Variants in RBM46 observed in about 807,000 individuals in gnomAD.
The protein encoded by RBM46 is probable RNA-binding protein 46.
A neutral mutation model predicts 43.3 loss-of-function variants in RBM46; 12 were observed. The ratio of observed to expected loss-of-function variants is 0.28; its 90% CI spans 0.18 to 0.45. RBM46 has a LOEUF of 0.45. Ranked by LOEUF, RBM46 falls within the 20% of genes least tolerant of loss-of-function variation. RBM46 has a pLI of 1.00. For missense variants in RBM46, 412 were observed against 639.1 expected (o/e 0.64, Z 3.83); for synonymous variants, 205 against 207.6 (o/e 0.99, Z 0.11).
intron 4 of RBM46, among the ~76,000 whole-genome samples, chr4:154,804,302 C>T (rs563160315): frequency 1.3e-5 from 2 of 152,314 alleles, no homozygotes; most frequent in South Asian, 2.1e-4. Context: ...TATCTTGGGT[C>T]ATTCAGTATC....
intron 4 of RBM46, among the ~76,000 whole-genome samples, chr4:154,818,055 T>TTA (rs140709741): frequency 2.7e-4 from 41 of 151,846 alleles, no homozygotes; most frequent in Admixed American, 7.2e-4. Context: ...TCATTGGTAC[T>TTA]TATATATATA....
intron 4 of RBM46, 46 bp from the exon 5 acceptor site, chr4:154,827,822 T>C (rs768550644): frequency 5.6e-6 from 9 of 1,605,932 alleles, no homozygotes; most frequent in Non-Finnish European, 6.8e-6. Context: ...ATTAAATTTG[T>C]GTCCATAAAG....
intron 4 of RBM46, among the ~76,000 whole-genome samples, chr4:154,821,992 A>C (rs1234871791): frequency 6.6e-6 from 1 of 151,924 alleles, no homozygotes; most frequent in South Asian, 2.1e-4. Flanking sequence ...TGTTTTAAGA[A>C]ATTCTTGCAC....
intron 4 of RBM46, 24 bp downstream of exon 4, chr4:154,799,588 G>A (rs781329604): frequency 1.4e-6 from 2 of 1,429,350 alleles, no homozygotes; most frequent in Non-Finnish European, 1.9e-6. Context: ...TACTTTAAAT[G>A]ATGTATAATA....
rs156576 is a variant in RBM46, at chr4:154,817,580, C to A, written c.1403-10288C>A. Among the ~76,000 whole-genome samples, 691 of 152,198 alleles carry A rather than the reference C, an allele frequency of 4.5e-3. 9 individuals are homozygous for A. The highest frequency in any genetic ancestry group is 0.016 in the African/African-American group (651 of 41,536). On this transcript the variant is annotated intron_variant, in intron 4 of 4. Transcript: ENST00000281722. ...CTCCTGACCTCAGGTGATGTGCCCG[C>A]CTTGGCCTCCCAAAGTGCTGGGATT...
At chr4:154,808,022 G>T (rs1262165050) in intron 4 of RBM46, among the ~76,000 whole-genome samples, 3 of 151,836 alleles carry the variant, frequency 2.0e-5, no homozygotes, top group Non-Finnish European at 4.4e-5. Flanking sequence ...TATAATCTTT[G>T]TACTACACTA....
At chr4:154,817,071 TG>T (rs144199751) in intron 4 of RBM46, among the ~76,000 whole-genome samples, 4,905 of 152,194 alleles carry the variant, frequency 0.032, 274 homozygotes, top group African/African-American at 0.11. Context: ...AAAATTCATT[TG>T]TTTTTTTTAG....
chr4:154,785,853 C>T (rs1733734035), intron 1 of RBM46, among the ~76,000 whole-genome samples: 2 of 152,034 alleles, frequency 1.3e-5, no homozygotes, highest in African/African-American at 4.8e-5. Context: ...GACTCTTCAC[C>T]GTATTTACTT....
intron 1 of RBM46, among the ~76,000 whole-genome samples, chr4:154,783,892 C>T (rs149609001): frequency 7.9e-5 from 12 of 152,238 alleles, no homozygotes; most frequent in African/African-American, 2.9e-4. Context: ...ACTTCCATGT[C>T]CACACACTTT....
At chr4:154,808,491 T>G (rs1735019162) in intron 4 of RBM46, among the ~76,000 whole-genome samples, 1 of 152,044 alleles carries the variant, frequency 6.6e-6, no homozygotes, top group African/African-American at 2.4e-5. Flanking sequence ...AGTTCCAGTC[T>G]GCTTGTTTAC....
intron 1 of RBM46, chr4:154,781,660 C>T (rs1408125631): frequency 6.6e-6 from 1 of 152,412 alleles, no homozygotes; most frequent in African/African-American, 2.4e-5. Context: ...CGCCGTCACC[C>T]AGGCGCTGCA....
At chr4:154,803,843 C>T (rs1380503111) in intron 4 of RBM46, among the ~76,000 whole-genome samples, 1 of 151,390 alleles carries the variant, frequency 6.6e-6, no homozygotes, top group African/African-American at 2.4e-5. Context: ...TGCCAAATCT[C>T]ATGTTGAAAT....
chr4:154,820,038 C>A (rs999499965), intron 4 of RBM46, among the ~76,000 whole-genome samples: 1 of 151,948 alleles, frequency 6.6e-6, no homozygotes, highest in Non-Finnish European at 1.5e-5. Flanking sequence ...TGGGTGATCT[C>A]ATTTGTTTTT....
chr4:154,818,921 T>C (rs1412410663), intron 4 of RBM46, among the ~76,000 whole-genome samples: 3 of 152,214 alleles, frequency 2.0e-5, no homozygotes, highest in Non-Finnish European at 2.9e-5. Flanking sequence ...TTGTGATTTC[T>C]ACTTCCTTCC....
At chr4:154,812,968 T>A (rs1735254625) in intron 4 of RBM46, among the ~76,000 whole-genome samples, 1 of 152,184 alleles carries the variant, frequency 6.6e-6, no homozygotes, top group African/African-American at 2.4e-5. Flanking sequence ...ATTTTTATAT[T>A]TTTTATTTAC....
chr4:154,822,539 A>G (rs1578953507), intron 4 of RBM46, among the ~76,000 whole-genome samples: 1 of 151,278 alleles, frequency 6.6e-6, no homozygotes, highest in African/African-American at 2.4e-5. Flanking sequence ...GCCATATTTT[A>G]TGTTCTAGGA....
intron 4 of RBM46, among the ~76,000 whole-genome samples, chr4:154,817,331 C>CTTT (rs58860836): frequency 2.4e-5 from 3 of 126,416 alleles, no homozygotes; most frequent in Non-Finnish European, 3.3e-5. Context: ...TTTTCTCTTT[C>CTTT]TTTTTTTTTT....
intron 4 of RBM46, chr4:154,827,450 C>G: frequency 1.0e-6 from 1 of 1,000,666 alleles, no homozygotes; most frequent in Non-Finnish European, 1.2e-6. Context: ...TGGTTTGATG[C>G]CTAATACAGC....
intron 4 of RBM46, among the ~76,000 whole-genome samples, chr4:154,812,694 T>A (rs1735238935): frequency 6.6e-6 from 1 of 152,206 alleles, no homozygotes; most frequent in Non-Finnish European, 1.5e-5. Flanking sequence ...TATCATGGCT[T>A]GCTATTGTAG....
Sources: allele counts gnomAD v4.1 joint callset (sites outside exome capture counted in the v4.1 genomes callset), GRCh38; gene constraint gnomAD v4.1.1; transcripts MANE v1.5; gene names NCBI Gene and HGNC (gene_info 2026-07-23, HGNC 2026-07-21).